The following ZHX1 variants were observed in gnomAD, a reference collection of about 807,000 sequenced individuals.
The protein encoded by ZHX1 is zinc fingers and homeoboxes 1, also known as zinc fingers and homeoboxes protein 1.
A neutral mutation model predicts 61.8 loss-of-function variants in ZHX1; 20 were observed. The ratio of observed to expected loss-of-function variants is 0.32; its 90% CI spans 0.23 to 0.47. The LOEUF is 0.47. Among genes scored for constraint, ZHX1 ranks in the 20% least tolerant of loss-of-function variants. ZHX1 has a pLI of 1.00. For synonymous variants in ZHX1, 318 were observed against 352.6 expected, an observed-to-expected ratio of 0.90 and a Z score of 1.10; for missense variants, 800 against 1,034.8, an observed-to-expected ratio of 0.77 and a Z score of 3.11.
At chr8:123,262,282 CATTAAA>C (rs1335649473) in intron 2 of ZHX1, among the ~76,000 whole-genome samples, 1 of 152,086 alleles carries the variant, frequency 6.6e-6, no homozygotes, top group Admixed American at 6.6e-5. Flanking sequence ...GCTATACTGC[CATTAAA>C]ATTGATAATC....
chr8:123,266,472 T>G (rs972201972), intron 2 of ZHX1, among the ~76,000 whole-genome samples: 2 of 152,210 alleles, frequency 1.3e-5, no homozygotes, highest in Non-Finnish European at 2.9e-5. Flanking sequence ...TTATCCATTT[T>G]TTAAAAATGA....
chr8:123,249,741 A>G lies in ZHX1; in HGVS notation c.*583T>C, dbSNP rs1159999437. The G allele has an allele frequency of 6.6e-6, 1 of 152,210 alleles. No individual in the cohort carries two copies. Among genetic ancestry groups the G allele is most frequent in the Non-Finnish European group, 1.5e-5 (1 of 68,010 alleles). 9.4% of individuals were successfully genotyped at this position (152,210 alleles called of 1,614,324 possible). A position where few individuals can be genotyped will look rare whatever the true frequency, so the allele number is the denominator to read the frequency against. Reference sequence around the variant, plus strand: ...AAAATCTTATTGTTTCAACATATATAAATAGGCTGTTTTTACATTTGAAAT... The same window carrying G: ...AAAATCTTATTGTTTCAACATATATGAATAGGCTGTTTTTACATTTGAAAT... On this transcript the variant is annotated 3_prime_UTR_variant, in exon 4 of 4. Coordinates refer to ENST00000395571, the MANE Select transcript of ZHX1 (RefSeq NM_007222.5).
In ZHX1 at chr8:123,255,199, C is replaced by G. The variant is rs1826034431; in HGVS notation, c.748G>C (p.Val250Leu). The G allele has an allele frequency of 6.2e-7, 1 of 1,614,136 alleles. No individual in the cohort carries two copies. The highest frequency in any genetic ancestry group is 8.5e-7 in the Non-Finnish European group (1 of 1,180,002). The change falls in exon 3 of 4, where the codon GTA (valine) becomes CTA (leucine). Residue 250 changes from valine (V) to leucine (L), a missense_variant. Physicochemically the swap from Val to Leu is conservative, Grantham distance 32. Coordinates refer to ENST00000395571, the MANE Select transcript of ZHX1 (RefSeq NM_007222.5). ...NRIHPSTAST[V>L]VTPAAVLPGL... is the part of the protein sequence containing the mutation. ...GGAAGAACTGCTGCTGGTGTCACTA[C>G]CGTGCTGGCAGTACTTGGATGTATT...
chr8:123,267,671 T>C (rs1826501029), intron 1 of ZHX1, among the ~76,000 whole-genome samples: 1 of 152,162 alleles, frequency 6.6e-6, no homozygotes, highest in Non-Finnish European at 1.5e-5. Context: ...CCGTCTCTAG[T>C]GTGAAAATTG....
intron 2 of ZHX1, chr8:123,262,783 G>T (rs774618658): frequency 9.2e-5 from 14 of 152,222 alleles, no homozygotes; most frequent in Non-Finnish European, 1.6e-4. Flanking sequence ...GGTCAAGCTG[G>T]AAACAAGGTT....
chr8:123,266,286 C>G (rs1207161898), intron 2 of ZHX1, among the ~76,000 whole-genome samples: 2 of 152,144 alleles, frequency 1.3e-5, no homozygotes, highest in Non-Finnish European at 2.9e-5. Context: ...ATTCTCAGTT[C>G]CAAGTGAGAT....
At chr8:123,273,154 G>A (rs1826711598) in intron 1 of ZHX1, among the ~76,000 whole-genome samples, 1 of 152,062 alleles carries the variant, frequency 6.6e-6, no homozygotes, top group Non-Finnish European at 1.5e-5. Flanking sequence ...CCTAAGCTAA[G>A]GATATCAAAT....
chr8:123,269,195 A>G (rs770346685), intron 1 of ZHX1, among the ~76,000 whole-genome samples: 5 of 152,220 alleles, frequency 3.3e-5, no homozygotes, highest in Non-Finnish European at 7.3e-5. Context: ...TTATTTTCCA[A>G]AATGAATTAT....
At chr8:123,269,001 C>G (rs1246165367) in intron 1 of ZHX1, among the ~76,000 whole-genome samples, 1 of 152,118 alleles carries the variant, frequency 6.6e-6, no homozygotes, top group Non-Finnish European at 1.5e-5. Context: ...AATAAGTACA[C>G]TATTTTCATG....
At chr8:123,263,551 G>A (rs1826356113) in intron 2 of ZHX1, among the ~76,000 whole-genome samples, 1 of 152,066 alleles carries the variant, frequency 6.6e-6, no homozygotes, top group Non-Finnish European at 1.5e-5. Context: ...GTATCTTTAG[G>A]CCAGGCATGG....
chr8:123,274,386 C>T (rs897211416), upstream of ZHX1: 1 of 152,360 alleles, frequency 6.6e-6, no homozygotes, highest in African/African-American at 2.4e-5. Flanking sequence ...TGTGGGGACT[C>T]AGGGTGGGGG....
At chr8:123,252,490 A>C (rs183184632) in intron 3 of ZHX1, 31 of 152,338 alleles carry the variant, frequency 2.0e-4, no homozygotes, top group African/African-American at 6.7e-4. Context: ...TTTAAATCAA[A>C]TACAATGTTA....
rs1214458573 is a variant in ZHX1 at position 123,250,174 on chromosome 8, T to A, written c.*150A>T. 2.2e-6 allele frequency: 1 copy of A among 445,418 alleles called. No homozygotes were observed. The highest frequency in any genetic ancestry group is 2.5e-5 in the Admixed American group (1 of 40,346). The allele number at this position is 445,418 out of a possible 1,614,324, so 27.6% of individuals were successfully genotyped here. A position where few individuals can be genotyped will look rare whatever the true frequency, so the allele number is the denominator to read the frequency against. On this transcript the variant is annotated 3_prime_UTR_variant, in exon 4 of 4. Transcript: ENST00000395571. ...CAGTAGTTTAACTTTGGCACAACAT[T>A]AAGTTCCATTTCTTTTGGGTATTGG...
chr8:123,257,687 C>T (rs943617713), intron 2 of ZHX1, among the ~76,000 whole-genome samples: 2 of 152,286 alleles, frequency 1.3e-5, no homozygotes, highest in East Asian at 1.9e-4. Flanking sequence ...CTCGCATGCA[C>T]AGTCACAATA....
intron 2 of ZHX1, among the ~76,000 whole-genome samples, chr8:123,264,749 C>T (rs1032956750): frequency 1.5e-4 from 23 of 151,044 alleles, no homozygotes; most frequent in African/African-American, 5.6e-4. Context: ...TTAGTAGAGA[C>T]GGGGTTTCAC....
chr8:123,250,599 T>C (rs1825890976), intron 3 of ZHX1, among the ~76,000 whole-genome samples: 2 of 152,224 alleles, frequency 1.3e-5, no homozygotes, highest in Admixed American at 1.3e-4. Context: ...GTATCTGTAA[T>C]AAGCAGACTA....
Position 123,267,259 on chromosome 8 carries a change from A to T in ZHX1, c.-226+14T>A. 1 of 1,530,422 alleles carries T rather than the reference A, an allele frequency of 6.5e-7. No individual in the cohort carries two copies. Among genetic ancestry groups the T allele is most frequent in the South Asian group, 1.2e-5 (1 of 83,322 alleles). 94.8% of individuals were successfully genotyped at this position (1,530,422 alleles called of 1,614,324 possible). On this transcript the variant is annotated intron_variant, in intron 2 of 3. Transcript: ENST00000395571. ...TATCTGAGTTTTACCATACCAAAAC[A>T]ATGAAACACATACTTGCCACAGCTT...
rs768633548 is a variant in ZHX1, at chr8:123,248,838, G to A, written c.*1486C>T. On this transcript the variant is annotated 3_prime_UTR_variant, in exon 4 of 4. Transcript: ENST00000395571. ...AAAAAAAAAAAGCTTAGTGCATTACGGTCTTTACATTGCTTCTTTTTTAAA... is the reference window on the plus strand; with the variant it reads ...AAAAAAAAAAAGCTTAGTGCATTACAGTCTTTACATTGCTTCTTTTTTAAA... The A allele has an allele frequency of 1.3e-5, 2 of 152,064 alleles. No individual in the cohort carries two copies. Among genetic ancestry groups the A allele is most frequent in the Admixed American group, 6.6e-5 (1 of 15,238 alleles). The allele number at this position is 152,064 out of a possible 1,614,324, so 9.4% of individuals were successfully genotyped here.
Position 123,249,989 on chromosome 8 carries a change from G to A in ZHX1, c.*335C>T. 3.6e-6 allele frequency: 1 copy of A among 274,462 alleles called. No homozygotes were observed. Among genetic ancestry groups the A allele is most frequent in the South Asian group, 3.3e-5 (1 of 30,318 alleles). The allele number at this position is 274,462 out of a possible 1,614,324, so 17.0% of individuals were successfully genotyped here. A position where few individuals can be genotyped will look rare whatever the true frequency, so the allele number is the denominator to read the frequency against. ...AGTATTAAACTGGACTGAATATGAG[G>A]ACAAGCTCTAGTGGTCATTAAACCC... On this transcript the variant is annotated 3_prime_UTR_variant, in exon 4 of 4. Coordinates refer to ENST00000395571, the MANE Select transcript of ZHX1 (RefSeq NM_007222.5).
Sources: gnomAD v4.1 joint callset for allele counts (sites outside exome capture counted in the v4.1 genomes callset) on GRCh38, gnomAD v4.1.1 for gene constraint, MANE v1.5 for transcripts, NCBI Gene and HGNC (gene_info 2026-07-23, HGNC 2026-07-21) for gene names.